The following FCRL1 variants were observed in gnomAD, a reference collection of about 807,000 sequenced individuals.
The protein encoded by FCRL1 is Fc receptor like 1, also known as Fc receptor-like protein 1.
A neutral mutation model predicts 49.2 loss-of-function variants in FCRL1; 34 were observed. The ratio of observed to expected loss-of-function variants is 0.69; its 90% CI spans 0.53 to 0.92. The LOEUF (loss-of-function observed/expected upper bound fraction) is 0.92, where lower values mean the gene tolerates loss of function less well. Among genes scored for constraint, FCRL1 ranks in the 40% least tolerant of loss-of-function variants. The pLI is 0.00. For synonymous variants in FCRL1, 218 were observed against 201.6 expected, an observed-to-expected ratio of 1.08 and a Z score of -0.69; for missense variants, 524 against 524.1, an observed-to-expected ratio of 1.00 and a Z score of 0.00.
rs774648073 is a variant in FCRL1 at position 157,797,111 on chromosome 1, A to C, written c.1208T>G (p.Met403Arg). The change falls in exon 10 of 11, where the codon ATG (methionine) becomes AGG (arginine). Residue 403 changes from methionine (M) to arginine (R), a missense_variant. By Grantham distance (91) the Met-to-Arg change is moderately conservative. Coordinates refer to ENST00000368176, the MANE Select transcript of FCRL1 (RefSeq NM_052938.5). ...SVAAETLGTH[M>R]EDKVSLDIYS... ...AATAGAGACTCTTACCTTGTCCTCCATATGTGTCCCCAGGGTTTCTGCTGT... is the reference window on the plus strand; with the variant it reads ...AATAGAGACTCTTACCTTGTCCTCCCTATGTGTCCCCAGGGTTTCTGCTGT... 3.7e-6 allele frequency: 6 copies of C among 1,613,994 alleles called. No homozygotes were observed. Among genetic ancestry groups the C allele is most frequent in the South Asian group, 3.3e-5 (3 of 91,078 alleles).
At chr1:157,818,349 A>G (rs1483128179) in intron 1 of FCRL1, among the ~76,000 whole-genome samples, 2 of 151,878 alleles carry the variant, frequency 1.3e-5, no homozygotes, top group Non-Finnish European at 2.9e-5. Context: ...CCTATCATTT[A>G]CAACAACATG....
chr1:157,805,124 G>T (rs1653213431), intron 2 of FCRL1, among the ~76,000 whole-genome samples: 1 of 152,106 alleles, frequency 6.6e-6, no homozygotes, highest in Non-Finnish European at 1.5e-5. Context: ...GCATCCCAAG[G>T]TACTGAGTAC....
At chr1:157,817,384 C>G (rs1189613430) in intron 1 of FCRL1, among the ~76,000 whole-genome samples, 1 of 152,028 alleles carries the variant, frequency 6.6e-6, no homozygotes, top group African/African-American at 2.4e-5. Context: ...ACATTTATAG[C>G]CCACTGATTT....
At chr1:157,819,899 G>T in intron 1 of FCRL1, 108 bp downstream of exon 1, 1 of 1,334,242 alleles carries the variant, frequency 7.5e-7, no homozygotes, top group South Asian at 1.2e-5. Context: ...GAGCACCCCT[G>T]AGCATTACCT....
chr1:157,814,312 T>A (rs1654739057), intron 1 of FCRL1, among the ~76,000 whole-genome samples: 1 of 152,114 alleles, frequency 6.6e-6, no homozygotes, highest in Non-Finnish European at 1.5e-5. Flanking sequence ...ACAAAATATG[T>A]AACATAAGGC....
At chr1:157,812,800 C>A (rs184244661) in intron 1 of FCRL1, among the ~76,000 whole-genome samples, 2 of 152,156 alleles carry the variant, frequency 1.3e-5, no homozygotes, top group African/African-American at 2.4e-5. Context: ...ATAGTACTAC[C>A]ATGCCTGCCT....
intron 8 of FCRL1, 31 bp from the exon 9 acceptor site, chr1:157,797,970 C>T (rs950375492): frequency 1.2e-5 from 20 of 1,606,544 alleles, no homozygotes; most frequent in Non-Finnish European, 1.7e-5. Flanking sequence ...CTTCATGACA[C>T]AGCCCCTGAT....
At chr1:157,797,540 C>A (rs1244480306) in intron 9 of FCRL1, 18 of 602,606 alleles carry the variant, frequency 3.0e-5, no homozygotes, top group African/African-American at 2.4e-4. Context: ...GTAGGCCATA[C>A]AATGACACCT....
intron 1 of FCRL1, 76 bp from the exon 2 acceptor site, chr1:157,807,198 C>T (rs754776034): frequency 1.0e-5 from 15 of 1,505,790 alleles, no homozygotes; most frequent in Non-Finnish European, 1.4e-5. Context: ...CCTTTGAGAG[C>T]TTCCCCAACA....
At position 157,802,071 on chromosome 1, in the gene FCRL1, G is replaced by A. The variant is rs764553423; in HGVS notation, c.730C>T (p.His244Tyr). 5 of 1,614,084 alleles carry A rather than the reference G, an allele frequency of 3.1e-6. No individual in the cohort carries two copies. In the East Asian group the frequency reaches 8.9e-5, roughly 29 times the overall value. The change falls in exon 5 of 11, where the codon CAC (histidine) becomes TAC (tyrosine). Residue 244 changes from histidine to tyrosine, a missense_variant. Coordinates refer to ENST00000368176, the MANE Select transcript of FCRL1 (RefSeq NM_052938.5). The part of the protein sequence containing the change: ...GSPPILYWFY[H>Y]EDITLGSRSA... The stretch of plus-strand genomic sequence containing the variant: ...CTGCTCCCCAGGGTGATATCCTCGT[G>A]ATAAAACCAGTACAGGATCGGAGGA...
In FCRL1 at chr1:157,803,937, A is replaced by G; in HGVS notation, c.227T>C (p.Met76Thr). 2 of 1,614,086 alleles carry G rather than the reference A, an allele frequency of 1.2e-6. No individual in the cohort carries two copies. The highest frequency in any genetic ancestry group is 1.7e-6 in the Non-Finnish European group (2 of 1,180,012). ...SSSPKLQIAA[M>T]WKEDTGSYWC... ...GTATGACCCTGTGTCTTCTTTCCACATGGCAGCGATCTGGAGCTTGGGGGA... is the reference window on the plus strand; with the variant it reads ...GTATGACCCTGTGTCTTCTTTCCACGTGGCAGCGATCTGGAGCTTGGGGGA... The change falls in exon 3 of 11, where the codon ATG becomes ACG. Residue 76 changes from methionine (M) to threonine (T), a missense_variant. Met to Thr is a moderately conservative substitution (Grantham distance 81). Coordinates refer to ENST00000368176, the MANE Select transcript of FCRL1 (RefSeq NM_052938.5).
At chr1:157,807,557 T>C (rs1274516889) in intron 1 of FCRL1, among the ~76,000 whole-genome samples, 1 of 152,186 alleles carries the variant, frequency 6.6e-6, no homozygotes, top group Non-Finnish European at 1.5e-5. Flanking sequence ...GATCCAGCTT[T>C]GGATTGACTC....
chr1:157,810,091 C>A (rs1290049948), intron 1 of FCRL1, among the ~76,000 whole-genome samples: 1 of 151,966 alleles, frequency 6.6e-6, no homozygotes. Context: ...TTAAAATTGA[C>A]CCCTTGATGC....
At chr1:157,813,188 A>G (rs1461865793) in intron 1 of FCRL1, among the ~76,000 whole-genome samples, 2 of 152,256 alleles carry the variant, frequency 1.3e-5, no homozygotes, top group African/African-American at 4.8e-5. Context: ...GTAAAGCAGG[A>G]ACACAACAAA....
chr1:157,798,060 T>C, intron 8 of FCRL1, 101 bp downstream of exon 8: 6 of 1,497,328 alleles, frequency 4.0e-6, no homozygotes, highest in Non-Finnish European at 5.6e-6. Flanking sequence ...TAGCAGAGGC[T>C]AGGGCACAGC....
In FCRL1 at chr1:157,798,177, C is replaced by T. The variant is rs1422426425; in HGVS notation, c.1098G>A (p.Gln366=). 2 of 1,612,804 alleles carry T rather than the reference C, an allele frequency of 1.2e-6. No homozygotes were observed. Among genetic ancestry groups the T allele is most frequent in the Admixed American group, 1.7e-5 (1 of 59,884 alleles). The change falls in exon 8 of 11, where the codon CAG becomes CAA. Residue 366 remains glutamine (Q), a synonymous_variant. Coordinates refer to ENST00000368176, the MANE Select transcript of FCRL1 (RefSeq NM_052938.5). The stretch of plus-strand genomic sequence containing the variant: ...AAGGCTCACCATTTTCATATATAGG[C>T]TGTAGCTGCCCTGGGGTAGGTGAGT... The part of the protein sequence containing the change: ...YLNSPTPGQL[Q]PIYENVNVVS...
intron 2 of FCRL1, among the ~76,000 whole-genome samples, chr1:157,806,401 A>G (rs1240919829): frequency 6.6e-6 from 1 of 152,226 alleles, no homozygotes; most frequent in East Asian, 1.9e-4. Flanking sequence ...ACAAGATAGC[A>G]ATTTTTACAT....
intron 3 of FCRL1, 93 bp from the exon 4 acceptor site, chr1:157,802,757 G>C (rs1269418213): frequency 7.5e-7 from 1 of 1,326,886 alleles, no homozygotes; most frequent in Non-Finnish European, 1.0e-6. Context: ...CAAAGAGCAT[G>C]AGTGAAGTCA....
In FCRL1 at chr1:157,820,078, CA is replaced by C; in HGVS notation, c.-42del. 2.5e-6 allele frequency: 4 copies of C among 1,612,226 alleles called. No homozygotes were observed. Among genetic ancestry groups the C allele is most frequent in the Non-Finnish European group, 3.4e-6 (4 of 1,178,798 alleles). On this transcript the variant is annotated 5_prime_UTR_variant, in exon 1 of 11. An upstream open reading frame in the 5' UTR gains an earlier in-frame stop. Coordinates refer to ENST00000368176, the MANE Select transcript of FCRL1 (RefSeq NM_052938.5). Reference sequence around the variant, plus strand: ...GATGGTACCTAGAGATGCCTCTCATCAAAAAAAGAATGCACCTCAGAGTCGA... The same window carrying C: ...GATGGTACCTAGAGATGCCTCTCATCAAAAAAGAATGCACCTCAGAGTCGA...
Sources: gnomAD v4.1 joint callset for allele counts (sites outside exome capture counted in the v4.1 genomes callset) on GRCh38, gnomAD v4.1.1 for gene constraint, MANE v1.5 for transcripts, NCBI Gene and HGNC (gene_info 2026-07-23, HGNC 2026-07-21) for gene names.